The following HDGFL2 variants were observed in gnomAD, a reference collection of about 807,000 sequenced individuals.
HDGFL2 encodes hepatoma-derived growth factor-related protein 2.
Under a neutral mutation model 77.1 loss-of-function variants are expected in HDGFL2, and 36 were observed. The observed-to-expected ratio is 0.47, with a 90% confidence interval of 0.36 to 0.62. The LOEUF is 0.62. Ranked by LOEUF, HDGFL2 falls within the 20% of genes least tolerant of loss-of-function variation. The pLI, the probability that HDGFL2 is intolerant of heterozygous loss-of-function variation, is 0.00. For synonymous variants in HDGFL2, 463 were observed against 413.1 expected, an observed-to-expected ratio of 1.12 and a Z score of -1.46; for missense variants, 976 against 973.4, an observed-to-expected ratio of 1.00 and a Z score of -0.04.
At chr19:4,490,803 T>C (rs1202966592) in intron 4 of HDGFL2, among the ~76,000 whole-genome samples, 1 of 105,948 alleles carries the variant, frequency 9.4e-6, no homozygotes, top group Non-Finnish European at 1.9e-5. Flanking sequence ...TTTCTTTTTT[T>C]TCTCTTTTTT....
chr19:4,476,189 CTTTTTT>C lies in HDGFL2; in HGVS notation c.288+623_288+628del, dbSNP rs34154932. On this transcript the variant is annotated intron_variant, in intron 3 of 15. Coordinates refer to ENST00000616600, the MANE Select transcript of HDGFL2 (RefSeq NM_001001520.3). Reference sequence around the variant, plus strand: ...ACAGGCATGAGCCACTGTGCCCAGCCTTTTTTTTTTTTTTTTTTTTTTGAGACAGAG... The same window carrying C: ...ACAGGCATGAGCCACTGTGCCCAGCCTTTTTTTTTTTTTTTTGAGACAGAG... 4.3e-4 allele frequency among the ~76,000 whole-genome samples: 36 copies of C among 83,964 alleles called. No homozygotes were observed. The South Asian group carries it at 7.3e-3, about 17-fold the overall frequency. 55.1% of individuals were successfully genotyped at this position (83,964 alleles called of 152,430 possible).
intron 3 of HDGFL2, among the ~76,000 whole-genome samples, chr19:4,482,599 A>G (rs1975248968): frequency 6.6e-6 from 1 of 152,242 alleles, no homozygotes; most frequent in African/African-American, 2.4e-5. Flanking sequence ...TGGCCTCCCA[A>G]TTTGCCGGGA....
Position 4,488,700 on chromosome 19 carries a change from G to T in HDGFL2, c.313G>T (p.Ala105Ser). The change falls in exon 4 of 16, where the codon GCC becomes TCC. Residue 105 changes from alanine (A) to serine (S), a missense_variant. Coordinates refer to ENST00000616600, the MANE Select transcript of HDGFL2 (RefSeq NM_001001520.3). ...GCCAGTGAGCTCCTCCGACAGCGAGGCCCCCGAGGCCAACCCCGCCGACGG... is the reference window on the plus strand; with the variant it reads ...GCCAGTGAGCTCCTCCGACAGCGAGTCCCCCGAGGCCAACCCCGCCGACGG... The part of the protein sequence containing the change: ...PPPVSSSDSE[A>S]PEANPADGSD... 6.5e-7 allele frequency: 1 copy of T among 1,548,342 alleles called. No individual in the cohort carries two copies. Among genetic ancestry groups the T allele is most frequent in the Non-Finnish European group, 8.7e-7 (1 of 1,147,996 alleles).
intron 3 of HDGFL2, among the ~76,000 whole-genome samples, chr19:4,485,105 C>T (rs1487054786): frequency 2.0e-5 from 3 of 152,122 alleles, no homozygotes; most frequent in Non-Finnish European, 4.4e-5. Flanking sequence ...TGCGCCTGGC[C>T]CAGGATATTT....
intron 3 of HDGFL2, among the ~76,000 whole-genome samples, chr19:4,482,153 C>T (rs1975237545): frequency 6.7e-6 from 1 of 149,902 alleles, no homozygotes; most frequent in African/African-American, 2.5e-5. Context: ...CTGCCTCAGC[C>T]TCCCACAGTG....
At chr19:4,479,603 G>A (rs939820527) in intron 3 of HDGFL2, among the ~76,000 whole-genome samples, 43 of 135,118 alleles carry the variant, frequency 3.2e-4, no homozygotes, top group Non-Finnish European at 4.6e-4. Context: ...AAGAAAGAAA[G>A]AAACCCCGCC....
intron 1 of HDGFL2, among the ~76,000 whole-genome samples, chr19:4,474,413 C>T (rs923839306): frequency 1.3e-5 from 2 of 152,040 alleles, no homozygotes; most frequent in Non-Finnish European, 2.9e-5. Context: ...CTGGGCCTGG[C>T]GGCCCATGGC....
chr19:4,480,448 G>C (rs943853501), intron 3 of HDGFL2, among the ~76,000 whole-genome samples: 1 of 152,214 alleles, frequency 6.6e-6, no homozygotes. Context: ...GGGAGGCGTA[G>C]TGGCTCACAC....
intron 9 of HDGFL2, among the ~76,000 whole-genome samples, chr19:4,495,251 T>G (rs369035900): frequency 3.6e-4 from 55 of 151,744 alleles, no homozygotes; most frequent in African/African-American, 1.2e-3. Flanking sequence ...AGCCAGGCGT[T>G]GTGGCAGGTG....
chr19:4,496,086 TC>T (rs1160410096), intron 9 of HDGFL2, among the ~76,000 whole-genome samples: 1 of 152,008 alleles, frequency 6.6e-6, no homozygotes, highest in Non-Finnish European at 1.5e-5. Flanking sequence ...AGGGGGCTGT[TC>T]CTCCACTGAA....
chr19:4,482,007 G>A (rs28615895), intron 3 of HDGFL2, among the ~76,000 whole-genome samples: 11,400 of 148,024 alleles, frequency 0.077, 501 homozygotes, highest in African/African-American at 0.12. Context: ...GGGGGGACTG[G>A]AAGTTGGCTG....
rs558494120 is a variant in HDGFL2 at position 4,474,238 on chromosome 19, G to T, written c.73-1037G>T. On this transcript the variant is annotated intron_variant, in intron 1 of 15. Coordinates refer to ENST00000616600, the MANE Select transcript of HDGFL2 (RefSeq NM_001001520.3). ...GGGGCTGTGGAGGGGGACACCAAAC[G>T]GTGCTCTGGACCAGAACCAGCCCAG... is the stretch of plus-strand genomic sequence containing the variant. 4.6e-5 allele frequency among the ~76,000 whole-genome samples: 7 copies of T among 152,242 alleles called. No individual in the cohort carries two copies. In the South Asian group the frequency reaches 1.4e-3, roughly 32 times the overall value.
intron 14 of HDGFL2, among the ~76,000 whole-genome samples, 153 bp downstream of exon 14, chr19:4,499,857 G>A (rs1975811876): frequency 1.3e-5 from 2 of 152,348 alleles, no homozygotes; most frequent in African/African-American, 2.4e-5. Flanking sequence ...TGCAGACCCG[G>A]CTTTAATCCC....
In HDGFL2 at chr19:4,498,354, T is replaced by G; in HGVS notation, c.1451T>G (p.Phe484Cys). The change falls in exon 12 of 16, where the codon TTT becomes TGT. Residue 484 changes from phenylalanine to cysteine, a missense_variant. Coordinates refer to ENST00000616600, the MANE Select transcript of HDGFL2 (RefSeq NM_001001520.3). ...KLQKLHSEIK[F>C]ALKVDSPDVK... ...CAGAAGCTGCACAGTGAGATCAAGT[T>G]TGCCCTAAAGGTCGACAGCCCGGTA... The G allele has an allele frequency of 5.0e-6, 8 of 1,613,784 alleles. No homozygotes were observed. The highest frequency in any genetic ancestry group is 6.8e-6 in the Non-Finnish European group (8 of 1,179,954).
chr19:4,472,477 C>T (rs1974966296), intron 1 of HDGFL2, 55 bp downstream of exon 1: 3 of 1,021,126 alleles, frequency 2.9e-6, no homozygotes, highest in South Asian at 2.7e-5. Context: ...GCAGCGGGGG[C>T]CCCGGGCCGG....
chr19:4,484,113 A>G (rs1325183290), intron 3 of HDGFL2, among the ~76,000 whole-genome samples: 2 of 117,892 alleles, frequency 1.7e-5, no homozygotes, highest in African/African-American at 6.8e-5. Flanking sequence ...TTTTTGAGAC[A>G]GTGTCTGTCA....
intron 10 of HDGFL2, chr19:4,497,225 G>A (rs1173163235): frequency 2.3e-6 from 1 of 429,490 alleles, no homozygotes; most frequent in Non-Finnish European, 4.6e-6. Flanking sequence ...AGAGTCTTGG[G>A]CTTGCTCTGT....
rs1196536475 is a variant in HDGFL2 at position 4,496,422 on chromosome 19, C to T, written c.1328+17C>T. On this transcript the variant is annotated intron_variant, in intron 10 of 15. Coordinates refer to ENST00000616600, the MANE Select transcript of HDGFL2 (RefSeq NM_001001520.3). Reference sequence around the variant, plus strand: ...ACAAGCCAAGTGAGCCCTGCTCTGCCCCTCCACACCCTGGGGGCCCCGCAC... The same window carrying T: ...ACAAGCCAAGTGAGCCCTGCTCTGCTCCTCCACACCCTGGGGGCCCCGCAC... 5 of 1,601,338 alleles carry T rather than the reference C, an allele frequency of 3.1e-6. No homozygotes were observed. Among genetic ancestry groups the T allele is most frequent in the African/African-American group, 2.7e-5 (2 of 74,594 alleles).
intron 3 of HDGFL2, 56 bp from the exon 4 acceptor site, chr19:4,488,620 G>A (rs1975421154): frequency 2.0e-6 from 3 of 1,468,890 alleles, no homozygotes; most frequent in Admixed American, 2.0e-5. Context: ...TAGTCCTGAT[G>A]GGGAAATCCA....
Sources: gnomAD v4.1 joint callset for allele counts (sites outside exome capture counted in the v4.1 genomes callset) on GRCh38, gnomAD v4.1.1 for gene constraint, MANE v1.5 for transcripts, NCBI Gene and HGNC (gene_info 2026-07-23, HGNC 2026-07-21) for gene names.